Variants in C6orf58 observed in about 807,000 individuals in gnomAD.
C6orf58 encodes chromosome 6 open reading frame 58.
In C6orf58, 30 loss-of-function variants were observed where a neutral mutation model predicts 37.0. The observed-to-expected ratio is 0.81, with a 90% CI of 0.61 to 1.10. The LOEUF is 1.10. Ranked by LOEUF, C6orf58 falls within the 50% of genes least tolerant of loss-of-function variation. C6orf58 has a pLI of 0.00. For synonymous variants in C6orf58, 143 were observed against 134.1 expected, an observed-to-expected ratio of 1.07 and a Z score of -0.46; for missense variants, 368 against 387.5, an observed-to-expected ratio of 0.95 and a Z score of 0.42.
At chr6:127,586,521 G>A (rs1775108941) in intron 4 of C6orf58, among the ~76,000 whole-genome samples, 1 of 152,184 alleles carries the variant, frequency 6.6e-6, no homozygotes. Flanking sequence ...CAAGGCCCTG[G>A]GCATGTTTCC....
chr6:127,580,832 G>A (rs895394622), intron 3 of C6orf58, among the ~76,000 whole-genome samples: 1 of 151,990 alleles, frequency 6.6e-6, no homozygotes, highest in Non-Finnish European at 1.5e-5. Context: ...TATTGCATTA[G>A]TTTAGATCTA....
intron 4 of C6orf58, among the ~76,000 whole-genome samples, chr6:127,584,783 C>CAAAAAAAAAA (rs34714127): frequency 8.4e-6 from 1 of 119,648 alleles, no homozygotes. Flanking sequence ...ACTCCATCTC[C>CAAAAAAAAAA]AAAAAAAAAA....
intron 2 of C6orf58, among the ~76,000 whole-genome samples, chr6:127,580,039 A>G (rs1775031254): frequency 6.6e-6 from 1 of 152,136 alleles, no homozygotes; most frequent in Admixed American, 6.6e-5. Context: ...CAACTACTTT[A>G]GCCAATATGT....
chr6:127,577,636 T>C (rs1775003937), intron 1 of C6orf58, 150 bp downstream of exon 1: 1 of 702,896 alleles, frequency 1.4e-6, no homozygotes. Context: ...TTTTTCTACC[T>C]ATCCTTCTCC....
At chr6:127,582,770 G>T (rs1775063758) in intron 4 of C6orf58, among the ~76,000 whole-genome samples, 1 of 151,466 alleles carries the variant, frequency 6.6e-6, no homozygotes, top group Non-Finnish European at 1.5e-5. Context: ...CCAATATCCA[G>T]TTTCCAATTA....
At position 127,590,297 on chromosome 6, in the gene C6orf58, T is replaced by C; in HGVS notation, c.885T>C (p.Asn295=). ...AFQNVVLVLL[N]MLDNVDKSIG... is the part of the protein sequence containing the mutation. Reference sequence around the variant, plus strand: ...AGAATGTAGTCCTGGTTCTTCTAAATATGCTTGACAATGTGGATAAATCTA... The same window carrying C: ...AGAATGTAGTCCTGGTTCTTCTAAACATGCTTGACAATGTGGATAAATCTA... The change falls in exon 5 of 6, where the codon AAT becomes AAC. Residue 295 remains asparagine, a synonymous_variant. Transcript: ENST00000329722. 1 of 1,610,578 alleles carries C rather than the reference T, an allele frequency of 6.2e-7. No homozygotes were observed. The highest frequency in any genetic ancestry group is 1.1e-5 in the South Asian group (1 of 91,018).
At chr6:127,591,494 T>G (rs1775162063) in intron 5 of C6orf58, 49 bp from the exon 6 acceptor site, 1 of 1,457,182 alleles carries the variant, frequency 6.9e-7, no homozygotes, top group Non-Finnish European at 9.1e-7. Flanking sequence ...AAAAGGTACT[T>G]TAAAAAATTT....
Position 127,581,223 on chromosome 6 carries a change from G to A in C6orf58, c.615G>A (p.Lys205=), listed in dbSNP as rs764337944. The change falls in exon 4 of 6, where the codon AAG becomes AAA. Residue 205 remains lysine, a synonymous_variant. Coordinates refer to ENST00000329722, the MANE Select transcript of C6orf58 (RefSeq NM_001010905.3). The stretch of plus-strand genomic sequence containing the variant: ...TTAGTAAGTTTGATGATCTGTTGAA[G>A]TACTTATGGGCTGCACACACTTCAA... ...SPFSKFDDLL[K]YLWAAHTSTL... is the part of the protein sequence containing the mutation. 1.3e-6 allele frequency: 2 copies of A among 1,540,264 alleles called. No homozygotes were observed. Among genetic ancestry groups the A allele is most frequent in the Non-Finnish European group, 1.8e-6 (2 of 1,139,940 alleles).
chr6:127,588,629 T>C (rs2114300246), intron 4 of C6orf58, among the ~76,000 whole-genome samples: 1 of 152,300 alleles, frequency 6.6e-6, no homozygotes, highest in African/African-American at 2.4e-5. Flanking sequence ...TTTAATTCTT[T>C]CTTTGGTGAC....
chr6:127,585,619 TCA>T (rs769881807), intron 4 of C6orf58, among the ~76,000 whole-genome samples: 3 of 152,194 alleles, frequency 2.0e-5, no homozygotes, highest in African/African-American at 7.2e-5. Context: ...GAAAAACTTT[TCA>T]CAGTGTCATA....
In C6orf58 at chr6:127,585,053, G is replaced by A. The variant is rs911431457; in HGVS notation, c.674+3771G>A. ...CTAACAGTTCTGGGAACTCTCATTC[G>A]GTCCAATGGGATGATCAGATTTCTA... On this transcript the variant is annotated intron_variant, in intron 4 of 5. Coordinates refer to ENST00000329722, the MANE Select transcript of C6orf58 (RefSeq NM_001010905.3). 1.1e-4 allele frequency among the ~76,000 whole-genome samples: 17 copies of A among 152,102 alleles called. No homozygotes were observed. In the South Asian group the frequency reaches 1.2e-3, roughly 11 times the overall value.
At chr6:127,585,283 AT>A (rs1449571884) in intron 4 of C6orf58, among the ~76,000 whole-genome samples, 1 of 152,196 alleles carries the variant, frequency 6.6e-6, no homozygotes, top group African/African-American at 2.4e-5. Context: ...CCCAAAATTA[AT>A]TTGAGGTCAA....
intron 4 of C6orf58, among the ~76,000 whole-genome samples, chr6:127,588,639 C>T (rs13205795): frequency 0.25 from 38,736 of 152,002 alleles, 5,989 homozygotes; most frequent in East Asian, 0.61. Flanking sequence ...TCTTTGGTGA[C>T]CACATTCTAT....
chr6:127,588,527 T>C (rs890780674), intron 4 of C6orf58, among the ~76,000 whole-genome samples: 3 of 152,196 alleles, frequency 2.0e-5, no homozygotes, highest in African/African-American at 7.2e-5. Flanking sequence ...AGCTTGCATA[T>C]ACTCAAATAA....
intron 4 of C6orf58, among the ~76,000 whole-genome samples, chr6:127,589,001 G>C (rs1437228820): frequency 6.6e-6 from 1 of 152,058 alleles, no homozygotes; most frequent in African/African-American, 2.4e-5. Flanking sequence ...ACAAGCATAG[G>C]AATCAAACAG....
chr6:127,591,539 A>G lies in C6orf58; in HGVS notation c.914-4A>G, dbSNP rs1775162676. The G allele has an allele frequency of 2.6e-6, 4 of 1,517,994 alleles. No homozygotes were observed. Among genetic ancestry groups the G allele is most frequent in the Non-Finnish European group, 3.5e-6 (4 of 1,141,710 alleles). 94.0% of individuals were successfully genotyped at this position (1,517,994 alleles called of 1,614,324 possible). A position where few individuals can be genotyped will look rare whatever the true frequency, so the allele number is the denominator to read the frequency against. On this transcript the variant is annotated splice_region_variant and splice_polypyrimidine_tract_variant and intron_variant, in intron 5 of 5. Coordinates refer to ENST00000329722, the MANE Select transcript of C6orf58 (RefSeq NM_001010905.3). ...TACATGTAATCATTTTGTATCTTTTACAGGTTATCTTTGTACAGAAAAATC... is the reference window on the plus strand; with the variant it reads ...TACATGTAATCATTTTGTATCTTTTGCAGGTTATCTTTGTACAGAAAAATC...
Position 127,580,416 on chromosome 6 carries a change from T to C in C6orf58, c.540T>C (p.Pro180=), listed in dbSNP as rs776312634. 5.0e-6 allele frequency: 8 copies of C among 1,612,794 alleles called. No individual in the cohort carries two copies. The East Asian group carries it at 6.7e-5, about 13-fold the overall frequency. ...TTTCTAGCTGTCGTTCATCCTTCCC[T>C]GAGACAATGAACAAGTGGAACACCT... The part of the protein sequence containing the change: ...YDVSSCRSSF[P]ETMNKWNTFY... Residue 180 remains proline (P), a synonymous_variant, in exon 3 of 6, where the codon CCT becomes CCC. Transcript: ENST00000329722.
chr6:127,581,435 T>C (rs939181794), intron 4 of C6orf58, among the ~76,000 whole-genome samples, 153 bp downstream of exon 4: 3 of 151,844 alleles, frequency 2.0e-5, no homozygotes, highest in Admixed American at 2.0e-4. Flanking sequence ...TGTGTAAATA[T>C]TTTAACATGA....
chr6:127,584,565 A>C (rs1479519316), intron 4 of C6orf58, among the ~76,000 whole-genome samples: 1 of 152,182 alleles, frequency 6.6e-6, no homozygotes, highest in Non-Finnish European at 1.5e-5. Flanking sequence ...TCACGAGGTC[A>C]GGAGTTCAAG....
Sources: gnomAD v4.1 joint callset for allele counts (sites outside exome capture counted in the v4.1 genomes callset) on GRCh38, gnomAD v4.1.1 for gene constraint, MANE v1.5 for transcripts, NCBI Gene and HGNC (gene_info 2026-07-23, HGNC 2026-07-21) for gene names.